Variants in MTSS1 observed in about 807,000 individuals in gnomAD.
MTSS1 encodes the protein protein MTSS 1.
In MTSS1, 18 loss-of-function variants were observed where a neutral mutation model predicts 79.0. The observed-to-expected ratio is 0.23, with a 90% CI of 0.16 to 0.34. The LOEUF is 0.34. Among genes scored for constraint, MTSS1 ranks in the 10% least tolerant of loss-of-function variants. The probability of loss-of-function intolerance (pLI) is 1.00; values close to 1 mark genes in which losing one functional copy is unlikely to be tolerated. For missense variants in MTSS1, 815 were observed against 986.2 expected, an observed-to-expected ratio of 0.83 and a Z score of 2.33; for synonymous variants, 341 against 368.6, an observed-to-expected ratio of 0.93 and a Z score of 0.86.
At position 124,564,722 on chromosome 8, in the gene MTSS1, C is replaced by CACACACACACACACACACACACACTT. The variant is rs1563758680; in HGVS notation, c.824+939_824+940insAAGTGTGTGTGTGTGTGTGTGTGTGT. ...ACACACACACACACACACACACAGT[C>CACACACACACACACACACACACACTT]GACAGAAGATAAGAAACAAACCAAT... On this transcript the variant is annotated intron_variant, in intron 9 of 13. Transcript: ENST00000518547. 5.3e-5 allele frequency: 8 copies of CACACACACACACACACACACACACTT among 150,716 alleles called. No homozygotes were observed. The East Asian group carries it at 7.8e-4, about 15-fold the overall frequency. The allele number at this position is 150,716 out of a possible 1,614,324, so 9.3% of individuals were successfully genotyped here.
chr8:124,578,924 C>A (rs1235861194), intron 6 of MTSS1, among the ~76,000 whole-genome samples: 2 of 152,112 alleles, frequency 1.3e-5, no homozygotes, highest in East Asian at 3.9e-4. Flanking sequence ...TTATTTTTTT[C>A]TCTCTGTATA....
At chr8:124,636,024 G>GAGGGTGC in intron 3 of MTSS1, among the ~76,000 whole-genome samples, 1 of 152,282 alleles carries the variant, frequency 6.6e-6, no homozygotes, top group East Asian at 1.9e-4. Context: ...CTGGAGGGTG[G>GAGGGTGC]AGGGTGCAGG....
intron 10 of MTSS1, among the ~76,000 whole-genome samples, chr8:124,560,554 G>A (rs1299228722): frequency 6.6e-6 from 1 of 152,148 alleles, no homozygotes; most frequent in Non-Finnish European, 1.5e-5. Flanking sequence ...GGTAGGCTGA[G>A]GTAGGAGAAT....
chr8:124,654,494 TG>T (rs1933979884), intron 3 of MTSS1, among the ~76,000 whole-genome samples: 1 of 152,080 alleles, frequency 6.6e-6, no homozygotes, highest in African/African-American at 2.4e-5. Flanking sequence ...TCAGGAGAAA[TG>T]ATCAATCAAA....
chr8:124,621,190 G>A (rs1813435107), intron 3 of MTSS1, among the ~76,000 whole-genome samples: 1 of 152,204 alleles, frequency 6.6e-6, no homozygotes, highest in South Asian at 2.1e-4. Flanking sequence ...ACCTTTAAAT[G>A]TTGAACCAGA....
At chr8:124,573,289 T>G (rs369275895) in intron 6 of MTSS1, among the ~76,000 whole-genome samples, 1 of 152,224 alleles carries the variant, frequency 6.6e-6, no homozygotes, top group South Asian at 2.1e-4. Flanking sequence ...CCTAACACCT[T>G]TTATCCTACA....
At chr8:124,633,696 G>A (rs1318541927) in intron 3 of MTSS1, among the ~76,000 whole-genome samples, 1 of 151,946 alleles carries the variant, frequency 6.6e-6, no homozygotes, top group Non-Finnish European at 1.5e-5. Flanking sequence ...CTTGAACCCA[G>A]GAGGCGGAGG....
chr8:124,697,555 T>C (rs1262572116), intron 3 of MTSS1, among the ~76,000 whole-genome samples: 1 of 151,494 alleles, frequency 6.6e-6, no homozygotes, highest in Non-Finnish European at 1.5e-5. Flanking sequence ...AGCGAGATTC[T>C]GTCTCAAAAA....
chr8:124,631,380 A>G (rs943451284), intron 3 of MTSS1, among the ~76,000 whole-genome samples: 3 of 152,180 alleles, frequency 2.0e-5, no homozygotes. Context: ...TCTGGACCCT[A>G]AAGAGTACGT....
At chr8:124,643,397 C>A (rs1818414348) in intron 3 of MTSS1, among the ~76,000 whole-genome samples, 1 of 152,012 alleles carries the variant, frequency 6.6e-6, no homozygotes, top group African/African-American at 2.4e-5. Context: ...ACAATATGAT[C>A]ATTTAAAAAC....
rs1825663128 is a variant in MTSS1 at position 124,562,963 on chromosome 8, G to T, written c.854C>A (p.Ser285Tyr). The T allele has an allele frequency of 6.2e-7, 1 of 1,611,558 alleles. No homozygotes were observed. The highest frequency in any genetic ancestry group is 8.5e-7 in the Non-Finnish European group (1 of 1,179,118). ...SSLNSVNSSDSRSSGSHSHSP... is the reference protein window; with the variant it reads ...SSLNSVNSSDYRSSGSHSHSP... ...ATGCGAGTGGGAGCCGCTGGACCGGGAGTCACTGCTGTTGACACTGTTCAG... is the reference window on the plus strand; with the variant it reads ...ATGCGAGTGGGAGCCGCTGGACCGGTAGTCACTGCTGTTGACACTGTTCAG... The change falls in exon 10 of 14, where the codon TCC becomes TAC. Residue 285 changes from serine to tyrosine, a missense_variant. This residue lies in a region of MTSS1 where 225 missense variants were observed against 365.4 expected (regional missense o/e 0.62). Transcript: ENST00000518547.
chr8:124,698,843 C>T (rs546818548), intron 3 of MTSS1, among the ~76,000 whole-genome samples: 5 of 152,120 alleles, frequency 3.3e-5, no homozygotes, highest in Non-Finnish European at 5.9e-5. Flanking sequence ...TTTCTAAAGA[C>T]GGTCAGGCAT....
chr8:124,661,570 T>C (rs1380603517), intron 3 of MTSS1, among the ~76,000 whole-genome samples: 2 of 152,162 alleles, frequency 1.3e-5, no homozygotes, highest in Non-Finnish European at 2.9e-5. Flanking sequence ...GGTCAGGTAG[T>C]GGAGTCCTAG....
At chr8:124,607,594 G>T (rs1373396847) in intron 3 of MTSS1, among the ~76,000 whole-genome samples, 1 of 152,166 alleles carries the variant, frequency 6.6e-6, no homozygotes, top group African/African-American at 2.4e-5. Context: ...ACCGTGACAC[G>T]ACCAAAGTGC....
At chr8:124,700,182 T>G (rs1021636265) in intron 2 of MTSS1, among the ~76,000 whole-genome samples, 9 of 151,584 alleles carry the variant, frequency 5.9e-5, no homozygotes, top group African/African-American at 2.2e-4. Flanking sequence ...AGGCAAAGTT[T>G]TATACAGGAG....
intron 1 of MTSS1, among the ~76,000 whole-genome samples, chr8:124,721,544 G>A (rs1266750812): frequency 2.6e-5 from 4 of 151,516 alleles, no homozygotes; most frequent in African/African-American, 9.7e-5. Flanking sequence ...TGAGTAGCTG[G>A]GACTAGAGGT....
At chr8:124,628,926 G>A (rs1317784976) in intron 3 of MTSS1, among the ~76,000 whole-genome samples, 2 of 152,120 alleles carry the variant, frequency 1.3e-5, no homozygotes, top group Non-Finnish European at 2.9e-5. Context: ...AGCAGACCCT[G>A]AAAGTAACAC....
intron 3 of MTSS1, among the ~76,000 whole-genome samples, chr8:124,604,648 T>C (rs1834492228): frequency 6.6e-6 from 1 of 152,190 alleles, no homozygotes. Context: ...GCTGAGTATG[T>C]AATGAATAAC....
At chr8:124,563,037 G>T in intron 9 of MTSS1, 45 bp from the exon 10 acceptor site, 1 of 1,519,788 alleles carries the variant, frequency 6.6e-7, no homozygotes. Context: ...GGAAGGTAAA[G>T]AAAGGGGAGC....
Sources: allele counts gnomAD v4.1 joint callset (sites outside exome capture counted in the v4.1 genomes callset), GRCh38; gene constraint gnomAD v4.1.1; regional missense constraint gnomAD v4.1.1; transcripts MANE v1.5; gene names NCBI Gene and HGNC (gene_info 2026-07-23, HGNC 2026-07-21).